Variants in RPL22 observed in about 807,000 individuals in gnomAD.
RPL22 encodes large ribosomal subunit protein eL22.
A neutral mutation model predicts 16.2 loss-of-function variants in RPL22; 4 were observed. That is an observed-to-expected ratio of 0.25 (90% confidence interval 0.12 to 0.57). The LOEUF (loss-of-function observed/expected upper bound fraction) is 0.57, where lower values mean the gene tolerates loss of function less well. Ranked by LOEUF, RPL22 falls within the 20% of genes least tolerant of loss-of-function variation. RPL22 has a pLI of 0.92. For missense variants in RPL22, 83 were observed against 156.1 expected (o/e 0.53, Z 2.49); for synonymous variants, 43 against 54.8 (o/e 0.78, Z 0.95).
intron 3 of RPL22, among the ~76,000 whole-genome samples, chr1:6,189,096 G>C (rs148625257): frequency 2.9e-4 from 44 of 152,206 alleles, no homozygotes; most frequent in African/African-American, 1.1e-3. Context: ...TGGATCCCTG[G>C]CATATTCACA....
intron 3 of RPL22, among the ~76,000 whole-genome samples, chr1:6,189,819 G>C (rs1318719515): frequency 6.6e-6 from 1 of 152,186 alleles, no homozygotes; most frequent in Non-Finnish European, 1.5e-5. Flanking sequence ...TACTCAGGAG[G>C]CTGAGGCAGG....
chr1:6,191,067 T>C (rs1667643270), intron 3 of RPL22, among the ~76,000 whole-genome samples: 2 of 151,116 alleles, frequency 1.3e-5, no homozygotes, highest in South Asian at 4.2e-4. Context: ...CTACTAAAAA[T>C]ACAATAATTA....
rs1284565108 is a variant in RPL22, at chr1:6,185,614, C to T, written c.*1058G>A. 2 of 370,654 alleles carry T rather than the reference C, an allele frequency of 5.4e-6. No homozygotes were observed. The highest frequency in any genetic ancestry group is 2.1e-5 in the African/African-American group (1 of 48,104). The allele number at this position is 370,654 out of a possible 1,614,324, so 23.0% of individuals were successfully genotyped here. ...TTTTAAAAACATGAATTTTAGACAC[C>T]GTAAATTCTAATGCAGACACTTTTG... On this transcript the variant is annotated 3_prime_UTR_variant, in exon 4 of 4. Coordinates refer to ENST00000234875, the MANE Select transcript of RPL22 (RefSeq NM_000983.4).
At chr1:6,192,816 C>G in intron 3 of RPL22, 114 bp downstream of exon 3, 1 of 1,294,578 alleles carries the variant, frequency 7.7e-7, no homozygotes, top group Non-Finnish European at 1.1e-6. Flanking sequence ...AGCATAGTTC[C>G]AGAAATTAAC....
At chr1:6,188,823 C>T (rs1373863362) in intron 3 of RPL22, among the ~76,000 whole-genome samples, 1 of 150,182 alleles carries the variant, frequency 6.7e-6, no homozygotes, top group Non-Finnish European at 1.5e-5. Flanking sequence ...GAGTTTCGCT[C>T]TTGTTGCCCA....
chr1:6,194,330 G>C (rs1212722026), intron 2 of RPL22, among the ~76,000 whole-genome samples: 1 of 152,204 alleles, frequency 6.6e-6, no homozygotes, highest in African/African-American at 2.4e-5. Context: ...CAACCTAGTA[G>C]AAAGAGCAAA....
chr1:6,197,735 C>A lies in RPL22; in HGVS notation c.34G>T (p.Gly12Cys), dbSNP rs780843327. ...TTCAGAACTTGCTTCTTTTTTTTGC[C>A]CCCCTTCACCACAAGCTTTTTCTAA... ...APVKKLVVKGGKKKKQVLKFT... is the reference protein window; with the variant it reads ...APVKKLVVKGCKKKKQVLKFT... Residue 12 changes from glycine (G) to cysteine (C), a missense_variant, in exon 2 of 4, where the codon GGC becomes TGC. Physicochemically the swap from Gly to Cys is radical, Grantham distance 159. Coordinates refer to ENST00000234875, the MANE Select transcript of RPL22 (RefSeq NM_000983.4). 11 of 1,612,760 alleles carry A rather than the reference C, an allele frequency of 6.8e-6. No individual in the cohort carries two copies. The highest frequency in any genetic ancestry group is 9.3e-6 in the Non-Finnish European group (11 of 1,179,226).
intron 3 of RPL22, 70 bp from the exon 4 acceptor site, chr1:6,186,886 T>C (rs1571183650): frequency 1.3e-6 from 2 of 1,589,682 alleles, no homozygotes; most frequent in East Asian, 4.5e-5. Flanking sequence ...TTAACATTTA[T>C]AAAACCCAGC....
intron 3 of RPL22, among the ~76,000 whole-genome samples, chr1:6,191,687 AAAAG>A (rs1431930639): frequency 6.7e-6 from 1 of 148,256 alleles, no homozygotes; most frequent in Non-Finnish European, 1.5e-5. Flanking sequence ...AAAAAAAAAA[AAAAG>A]AAATACAAGA....
In RPL22 at chr1:6,185,110, G is replaced by A. The variant is rs1557571318; in HGVS notation, c.*1562C>T. 5.2e-6 allele frequency: 2 copies of A among 387,294 alleles called. No homozygotes were observed. The highest frequency in any genetic ancestry group is 6.4e-4 in the Middle Eastern group (1 of 1,554). The allele number at this position is 387,294 out of a possible 1,614,324, so 24.0% of individuals were successfully genotyped here. A position where few individuals can be genotyped will look rare whatever the true frequency, so the allele number is the denominator to read the frequency against. ...GTTCAAAAAGACATAGAAAACCAGT[G>A]AGTTTCAATTTTATTACAAGTTTTC... On this transcript the variant is annotated 3_prime_UTR_variant, in exon 4 of 4. Transcript: ENST00000234875.
intron 2 of RPL22, among the ~76,000 whole-genome samples, chr1:6,195,127 A>C (rs1667699207): frequency 6.6e-6 from 1 of 150,902 alleles, no homozygotes; most frequent in Non-Finnish European, 1.5e-5. Context: ...ACAGAGCAAG[A>C]CTCCGTCTCA....
At chr1:6,196,444 A>G (rs1371797695) in intron 2 of RPL22, among the ~76,000 whole-genome samples, 1 of 152,232 alleles carries the variant, frequency 6.6e-6, no homozygotes, top group Non-Finnish European at 1.5e-5. Flanking sequence ...GCAATAAACT[A>G]TAAGAGGTTA....
chr1:6,195,003 T>C (rs1667696612), intron 2 of RPL22, among the ~76,000 whole-genome samples: 1 of 151,728 alleles, frequency 6.6e-6, no homozygotes, highest in Admixed American at 6.6e-5. Flanking sequence ...CCAGGCGTGG[T>C]GGCGGGCGCC....
At chr1:6,196,290 G>A (rs995677229) in intron 2 of RPL22, among the ~76,000 whole-genome samples, 2 of 152,084 alleles carry the variant, frequency 1.3e-5, no homozygotes, top group East Asian at 1.9e-4. Flanking sequence ...CCAGAACAGG[G>A]CCACCATGTG....
chr1:6,193,322 A>ATT (rs1667675571), intron 2 of RPL22, among the ~76,000 whole-genome samples: 1 of 135,578 alleles, frequency 7.4e-6, no homozygotes, highest in East Asian at 2.1e-4. Flanking sequence ...CTGACTTTAC[A>ATT]ATTTTTTTTT....
At chr1:6,194,956 G>C (rs916221934) in intron 2 of RPL22, among the ~76,000 whole-genome samples, 3 of 152,136 alleles carry the variant, frequency 2.0e-5, no homozygotes, top group Admixed American at 6.6e-5. Context: ...GGCTAACATG[G>C]TGAAACCCTG....
rs1667568875 is a variant in RPL22 at position 6,185,222 on chromosome 1, A to G, written c.*1450T>C. On this transcript the variant is annotated 3_prime_UTR_variant, in exon 4 of 4. Coordinates refer to ENST00000234875, the MANE Select transcript of RPL22 (RefSeq NM_000983.4). ...TTCACAACCAAACTAAAAATGACTT[A>G]CTACATGGGAACATCAATGCAACAA... 1 of 398,256 alleles carries G rather than the reference A, an allele frequency of 2.5e-6. No homozygotes were observed. The highest frequency in any genetic ancestry group is 1.3e-4 in the South Asian group (1 of 7,718). 24.7% of individuals were successfully genotyped at this position (398,256 alleles called of 1,614,324 possible).
chr1:6,199,453 C>G, intron 1 of RPL22, 109 bp downstream of exon 1: 2 of 1,483,556 alleles, frequency 1.3e-6, no homozygotes, highest in Non-Finnish European at 1.8e-6. Context: ...CAGCCCACCC[C>G]AGCAGGACGC....
rs762200622 is a variant in RPL22 at position 6,199,545 on chromosome 1, C to T, written c.12+17G>A. On this transcript the variant is annotated intron_variant, in intron 1 of 3. Coordinates refer to ENST00000234875, the MANE Select transcript of RPL22 (RefSeq NM_000983.4). ...TGCCTCCCCTGGAGCCGAGGCCTCA[C>T]GCGGAGCCATACTAACCACAGGAGC... is the stretch of plus-strand genomic sequence containing the variant. 3.8e-6 allele frequency: 6 copies of T among 1,559,804 alleles called. No homozygotes were observed. The highest frequency in any genetic ancestry group is 4.3e-6 in the Non-Finnish European group (5 of 1,152,050).
Sources: gnomAD v4.1 joint callset for allele counts (sites outside exome capture counted in the v4.1 genomes callset) on GRCh38, gnomAD v4.1.1 for gene constraint, MANE v1.5 for transcripts, NCBI Gene and HGNC (gene_info 2026-07-23, HGNC 2026-07-21) for gene names.